The following PITX3 variants were observed in gnomAD, a reference collection of about 807,000 sequenced individuals.
The protein encoded by PITX3 is pituitary homeobox 3.
A neutral mutation model predicts 14.2 loss-of-function variants in PITX3; 4 were observed. That is an observed-to-expected ratio of 0.28 (90% CI 0.14 to 0.65). The LOEUF is 0.65. Ranked by LOEUF, PITX3 falls within the 30% of genes least tolerant of loss-of-function variation. The pLI is 0.82. For missense variants in PITX3, 358 were observed against 426.8 expected, an observed-to-expected ratio of 0.84 and a Z score of 1.42; for synonymous variants, 194 against 204.5, an observed-to-expected ratio of 0.95 and a Z score of 0.44.
At position 102,230,652 on chromosome 10, in the gene PITX3, C is replaced by G. The variant is rs548475633; in HGVS notation, c.771G>C (p.Arg257=). Residue 257 remains arginine (R), a synonymous_variant, in exon 4 of 4, where the codon CGG becomes CGC. Coordinates refer to ENST00000370002, the MANE Select transcript of PITX3 (RefSeq NM_005029.4). ...AAAASSPYVY[R]DPCNSSLASL... The stretch of plus-strand genomic sequence containing the variant: ...TGGCCAGGCTCGAGTTACACGGGTC[C>G]CGATAGACGTAGGGGGAAGAGGCGG... 256 of 1,600,976 alleles carry G rather than the reference C, an allele frequency of 1.6e-4. No individual in the cohort carries two copies. In the East Asian group the frequency reaches 5.7e-3, roughly 36 times the overall value.
chr10:102,232,896 A>C (rs956056139), intron 1 of PITX3, among the ~76,000 whole-genome samples: 2 of 152,124 alleles, frequency 1.3e-5, no homozygotes, highest in African/African-American at 2.4e-5. Context: ...TTTCTCCCTT[A>C]AGAATAATGT....
At chr10:102,236,044 G>A (rs2070384993) in intron 1 of PITX3, among the ~76,000 whole-genome samples, 1 of 152,138 alleles carries the variant, frequency 6.6e-6, no homozygotes, top group South Asian at 2.1e-4. Flanking sequence ...GAAGAGAGAA[G>A]GAAAGAACAG....
Position 102,230,773 on chromosome 10 carries a change from C to A in PITX3, c.650G>T (p.Gly217Val). The A allele has an allele frequency of 6.5e-7, 1 of 1,530,832 alleles. No individual in the cohort carries two copies. Among genetic ancestry groups the A allele is most frequent in the Non-Finnish European group, 8.8e-7 (1 of 1,139,162 alleles). 94.8% of individuals were successfully genotyped at this position (1,530,832 alleles called of 1,614,324 possible). ...CAGCCCGGGGGGGCCCCCGCCCAGGCCCTGCAGGGCCCCAGGCCCTGGCAC... is the reference window on the plus strand; with the variant it reads ...CAGCCCGGGGGGGCCCCCGCCCAGGACCTGCAGGGCCCCAGGCCCTGGCAC... ...GTVPGPGALQ[G>V]LGGGPPGLAP... is the part of the protein sequence containing the mutation. The change falls in exon 4 of 4, where the codon GGC (glycine) becomes GTC (valine). Residue 217 changes from glycine to valine, a missense_variant. By Grantham distance (109) the Gly-to-Val change is moderately radical. Coordinates refer to ENST00000370002, the MANE Select transcript of PITX3 (RefSeq NM_005029.4).
In PITX3 at chr10:102,231,674, C is replaced by T; in HGVS notation, c.235G>A (p.Ala79Thr). ...GGGTAGCGGTTCCTCTGGAAGGTCG[C>T]CTCTAGCTCCTGTAGCTGCTGGCTG... ...FTSQQLQELE[A>T]TFQRNRYPDM... Residue 79 changes from alanine to threonine, a missense_variant, in exon 3 of 4, where the codon GCG becomes ACG. Ala to Thr is a moderately conservative substitution (Grantham distance 58, BLOSUM62 0). Transcript: ENST00000370002. 6.2e-7 allele frequency: 1 copy of T among 1,612,282 alleles called. No individual in the cohort carries two copies. Among genetic ancestry groups the T allele is most frequent in the Non-Finnish European group, 8.5e-7 (1 of 1,179,290 alleles).
At chr10:102,236,734 A>G (rs1399505939) in intron 1 of PITX3, among the ~76,000 whole-genome samples, 9 of 152,264 alleles carry the variant, frequency 5.9e-5, no homozygotes, top group Non-Finnish European at 1.3e-4. Flanking sequence ...GACCAGGGAC[A>G]TAGTGAGAGC....
chr10:102,240,902 G>A (rs1290210787), intron 1 of PITX3, among the ~76,000 whole-genome samples: 1 of 152,196 alleles, frequency 6.6e-6, no homozygotes, highest in African/African-American at 2.4e-5. Context: ...CTGAGCCTAG[G>A]CCGAGGGGCA....
chr10:102,231,822 C>G (rs1453632629), intron 2 of PITX3, 32 bp from the exon 3 acceptor site: 2 of 1,591,178 alleles, frequency 1.3e-6, no homozygotes, highest in Non-Finnish European at 1.7e-6. Flanking sequence ...GGTCACAGAG[C>G]GCCCAAGCCA....
chr10:102,230,421 T>C lies in PITX3; in HGVS notation c.*93A>G, dbSNP rs2070200237. On this transcript the variant is annotated 3_prime_UTR_variant, in exon 4 of 4. Coordinates refer to ENST00000370002, the MANE Select transcript of PITX3 (RefSeq NM_005029.4). ...CTGCCCAAACACCCCTTTCAGACCC[T>C]GGGGCGGGAGCAAGCCAGTCAAAAT... The C allele has an allele frequency of 7.3e-6, 11 of 1,511,890 alleles. No homozygotes were observed. The highest frequency in any genetic ancestry group is 9.8e-6 in the Non-Finnish European group (11 of 1,124,332). 93.7% of individuals were successfully genotyped at this position (1,511,890 alleles called of 1,614,324 possible).
chr10:102,231,955 G>A lies in PITX3; in HGVS notation c.118+8C>T. On this transcript the variant is annotated splice_region_variant and intron_variant, in intron 2 of 3. Coordinates refer to ENST00000370002, the MANE Select transcript of PITX3 (RefSeq NM_005029.4). The stretch of plus-strand genomic sequence containing the variant: ...ATGTCCTGCACCCCCGGAAGGGGGC[G>A]CGCTTACCGCTGTGCTCCTGGCCCT... The A allele has an allele frequency of 6.2e-7, 1 of 1,602,838 alleles. No homozygotes were observed. Among genetic ancestry groups the A allele is most frequent in the Non-Finnish European group, 8.5e-7 (1 of 1,173,080 alleles).
chr10:102,236,254 G>T (rs1239176564), intron 1 of PITX3, among the ~76,000 whole-genome samples: 5 of 152,178 alleles, frequency 3.3e-5, no homozygotes, highest in Admixed American at 3.3e-4. Context: ...CAGGGACTTC[G>T]CCTCACTCAG....
chr10:102,237,855 C>T (rs2070438566), intron 1 of PITX3, among the ~76,000 whole-genome samples: 1 of 151,908 alleles, frequency 6.6e-6, no homozygotes, highest in Non-Finnish European at 1.5e-5. Flanking sequence ...GTGTGTCATG[C>T]CTCCTCCACT....
intron 1 of PITX3, among the ~76,000 whole-genome samples, chr10:102,237,434 G>A (rs544543969): frequency 2.2e-4 from 34 of 152,270 alleles, no homozygotes; most frequent in Admixed American, 1.9e-3. Context: ...TGTAGGCCAC[G>A]GGAGATCTGC....
chr10:102,231,469 A>G (rs2070234454), intron 3 of PITX3, 119 bp downstream of exon 3: 1 of 650,796 alleles, frequency 1.5e-6, no homozygotes, highest in South Asian at 1.9e-5. Flanking sequence ...GCCGGGAGCC[A>G]GGGTCCGGGG....
chr10:102,236,795 C>T (rs985051687), intron 1 of PITX3, among the ~76,000 whole-genome samples: 1 of 152,158 alleles, frequency 6.6e-6, no homozygotes, highest in African/African-American at 2.4e-5. Flanking sequence ...TAACCTGGAA[C>T]TCAAATAGGA....
At chr10:102,231,897 C>T (rs2070252544) in intron 2 of PITX3, 66 bp downstream of exon 2, 15 of 1,557,006 alleles carry the variant, frequency 9.6e-6, no homozygotes, top group African/African-American at 1.3e-5. Context: ...GCTGCCCAGC[C>T]GGGGTCCCAC....
intron 1 of PITX3, among the ~76,000 whole-genome samples, chr10:102,232,355 CAG>C (rs2133800152): frequency 6.6e-6 from 1 of 152,268 alleles, no homozygotes; most frequent in African/African-American, 2.4e-5. Context: ...GCCAGGTATA[CAG>C]TTGGGGTTCA....
At chr10:102,233,272 G>A (rs1032871011) in intron 1 of PITX3, among the ~76,000 whole-genome samples, 7 of 145,182 alleles carry the variant, frequency 4.8e-5, no homozygotes, top group South Asian at 2.3e-4. Context: ...GGTCTGTTTC[G>A]TTTACGACTT....
chr10:102,231,956 C>G lies in PITX3; in HGVS notation c.118+7G>C, dbSNP rs1223903065. On this transcript the variant is annotated splice_region_variant and intron_variant, in intron 2 of 3. Coordinates refer to ENST00000370002, the MANE Select transcript of PITX3 (RefSeq NM_005029.4). ...TGTCCTGCACCCCCGGAAGGGGGCG[C>G]GCTTACCGCTGTGCTCCTGGCCCTT... 2 of 1,604,040 alleles carry G rather than the reference C, an allele frequency of 1.2e-6. No individual in the cohort carries two copies. Among genetic ancestry groups the G allele is most frequent in the Non-Finnish European group, 1.7e-6 (2 of 1,174,272 alleles).
At position 102,232,083 on chromosome 10, in the gene PITX3, A is replaced by G; in HGVS notation, c.-3T>C. 1 of 1,582,568 alleles carries G rather than the reference A, an allele frequency of 6.3e-7. No homozygotes were observed. Among genetic ancestry groups the G allele is most frequent in the Admixed American group, 1.7e-5 (1 of 58,256 alleles). On this transcript the variant is annotated 5_prime_UTR_variant, in exon 2 of 4. Coordinates refer to ENST00000370002, the MANE Select transcript of PITX3 (RefSeq NM_005029.4). Reference sequence around the variant, plus strand: ...TCGCTGAGCAGGCCGAACTCCATGGAGGGAGGGCTCTGGAGGCGAGAGAAG... The same window carrying G: ...TCGCTGAGCAGGCCGAACTCCATGGGGGGAGGGCTCTGGAGGCGAGAGAAG...
Sources: allele counts gnomAD v4.1 joint callset (sites outside exome capture counted in the v4.1 genomes callset), GRCh38; gene constraint gnomAD v4.1.1; transcripts MANE v1.5; gene names NCBI Gene and HGNC (gene_info 2026-07-23, HGNC 2026-07-21).